The following BPIFB4 variants were observed in gnomAD, a reference collection of about 807,000 sequenced individuals.
BPIFB4 encodes the protein BPI fold-containing family B member 4.
Under a neutral mutation model 69.2 loss-of-function variants are expected in BPIFB4, and 62 were observed. That is an observed-to-expected ratio of 0.90 (90% CI 0.73 to 1.11). The LOEUF (loss-of-function observed/expected upper bound fraction) is 1.11. BPIFB4 is among the 50% of genes least tolerant of loss of function. The pLI, the probability that BPIFB4 is intolerant of heterozygous loss-of-function variation, is 0.00. For missense variants in BPIFB4, 789 were observed against 792.0 expected, an observed-to-expected ratio of 1.00 and a Z score of 0.04; for synonymous variants, 330 against 332.7, an observed-to-expected ratio of 0.99 and a Z score of 0.09.
In BPIFB4 at chr20:33,089,128, A is replaced by G; in HGVS notation, c.990+99A>G. The G allele has an allele frequency of 1.3e-6, 2 of 1,567,312 alleles. 1 individual carries two copies. The highest frequency in any genetic ancestry group is 1.7e-6 in the Non-Finnish European group (2 of 1,147,334). On this transcript the variant is annotated intron_variant, in intron 8 of 17. Coordinates refer to ENST00000375483, the MANE Select transcript of BPIFB4 (RefSeq NM_182519.3). ...ATCCCTGGGGGCCTGCAGGTAACCC[A>G]GAGGGACAGAGAGAGCCAAGGCCTG...
In BPIFB4 at chr20:33,080,528, A is replaced by G. The variant is rs1316463481; in HGVS notation, c.-64A>G. On this transcript the variant is annotated 5_prime_UTR_variant, in exon 2 of 18. It removes an upstream start codon present in the reference 5' UTR. Transcript: ENST00000375483. ...AGCTGCTCTTTATTGAGTGTCTACT[A>G]TGTATGAGATACAACTTGTTTGTGA... The G allele has an allele frequency of 2.6e-5, 4 of 152,242 alleles. No homozygotes were observed. The highest frequency in any genetic ancestry group is 2.1e-4 in the South Asian group (1 of 4,838). 9.4% of individuals were successfully genotyped at this position (152,242 alleles called of 1,614,324 possible). A position where few individuals can be genotyped will look rare whatever the true frequency, so the allele number is the denominator to read the frequency against.
In BPIFB4 at chr20:33,097,691, G is replaced by A. The variant is rs759001656; in HGVS notation, c.1473G>A (p.Leu491=). 6 of 1,614,048 alleles carry A rather than the reference G, an allele frequency of 3.7e-6. No homozygotes were observed. The South Asian group carries it at 6.6e-5, about 18-fold the overall frequency. The change falls in exon 13 of 18, where the codon CTG becomes CTA. Residue 491 remains leucine (L), a synonymous_variant. Coordinates refer to ENST00000375483, the MANE Select transcript of BPIFB4 (RefSeq NM_182519.3). ...TGCTGAACCCACCATCTGTGATGCT[G>A]CAGAAGGACAAAGCGCTGGTGAAGG... The part of the protein sequence containing the change: ...IQVLNPPSVM[L]QKDKALVKVL...
chr20:33,108,423 C>CTCTATATATATATATATATATA (rs1555787223), intron 17 of BPIFB4, among the ~76,000 whole-genome samples: 2 of 125,704 alleles, frequency 1.6e-5, no homozygotes, highest in African/African-American at 6.4e-5. Context: ...ATATATATGT[C>CTCTATATATATATATATATATA]TATATATATA....
chr20:33,092,876 C>A (rs539684968), intron 11 of BPIFB4, among the ~76,000 whole-genome samples: 2 of 152,202 alleles, frequency 1.3e-5, no homozygotes, highest in African/African-American at 4.8e-5. Context: ...CCAAATCTCA[C>A]GATGAGAAAG....
chr20:33,089,518 G>T lies in BPIFB4; in HGVS notation c.1011G>T (p.Val337=). ...LPDLLCPIVD[V]VLGLVNDQLG... ...TGCAGCTCTGCCCCATCGTGGATGT[G>T]GTGCTGGGTCTTGTCAATGACCAGC... The change falls in exon 9 of 18, where the codon GTG becomes GTT. Residue 337 remains valine, a synonymous_variant. Coordinates refer to ENST00000375483, the MANE Select transcript of BPIFB4 (RefSeq NM_182519.3). 6.2e-7 allele frequency: 1 copy of T among 1,614,220 alleles called. No homozygotes were observed. Among genetic ancestry groups the T allele is most frequent in the South Asian group, 1.1e-5 (1 of 91,084 alleles).
intron 15 of BPIFB4, 118 bp downstream of exon 15, chr20:33,103,132 G>A (rs1981952970): frequency 8.6e-7 from 1 of 1,161,104 alleles, no homozygotes; most frequent in Non-Finnish European, 1.3e-6. Flanking sequence ...GAATTCCAAA[G>A]TGCTCCCGTC....
chr20:33,085,095 A>G, intron 6 of BPIFB4, 99 bp downstream of exon 6: 5 of 1,506,808 alleles, frequency 3.3e-6, no homozygotes, highest in East Asian at 2.5e-5. Context: ...CTGCCAGTGC[A>G]TGCCCACAGA....
intron 15 of BPIFB4, 57 bp downstream of exon 15, chr20:33,103,071 G>A: frequency 6.4e-7 from 1 of 1,567,792 alleles, no homozygotes; most frequent in Non-Finnish European, 8.8e-7. Flanking sequence ...CCCAGGACGT[G>A]TCTTCCGGGA....
intron 7 of BPIFB4, among the ~76,000 whole-genome samples, chr20:33,087,939 G>A (rs533795236): frequency 1.4e-4 from 22 of 152,252 alleles, no homozygotes; most frequent in East Asian, 3.9e-4. Context: ...CTGAATTGGC[G>A]CAGCTCTGAA....
chr20:33,082,707 G>A (rs1981270723), intron 3 of BPIFB4, among the ~76,000 whole-genome samples: 1 of 152,190 alleles, frequency 6.6e-6, no homozygotes, highest in African/African-American at 2.4e-5. Flanking sequence ...ATGAAGGGCT[G>A]GCTGATGTCC....
chr20:33,084,008 GAAGTTTTAAGACCCCC>G, intron 5 of BPIFB4, 134 bp downstream of exon 5: 1 of 1,066,526 alleles, frequency 9.4e-7, no homozygotes, highest in Non-Finnish European at 1.3e-6. Flanking sequence ...CTCAGGATTG[GAAGTTTTAAGACCCCC>G]AAGTTACATG....
At chr20:33,099,481 T>C (rs1296105390) in intron 13 of BPIFB4, among the ~76,000 whole-genome samples, 2 of 152,206 alleles carry the variant, frequency 1.3e-5, no homozygotes, top group Admixed American at 1.3e-4. Flanking sequence ...GTCCCAGGGA[T>C]GCAGCCCTGA....
rs1474564572 is a variant in BPIFB4 at position 33,080,933 on chromosome 20, TGATGAGTGGATG to T, written c.-16+362_-16+373del. On this transcript the variant is annotated intron_variant, in intron 2 of 17. Transcript: ENST00000375483. ...AATAAATAGAGGGAGGAGAATGAGT[TGATGAGTGGATG>T]GATGGTTGGTTGGATGGATGGTTGG... 4.6e-5 allele frequency among the ~76,000 whole-genome samples: 7 copies of T among 151,192 alleles called. No individual in the cohort carries two copies. In the South Asian group the frequency reaches 1.1e-3, roughly 23 times the overall value.
chr20:33,087,998 G>T (rs75344611), intron 7 of BPIFB4, among the ~76,000 whole-genome samples: 6 of 152,268 alleles, frequency 3.9e-5, no homozygotes, highest in African/African-American at 1.2e-4. Flanking sequence ...GTTCGGTGGC[G>T]AGGGACGGAG....
At chr20:33,108,567 G>T (rs547007179) in intron 17 of BPIFB4, among the ~76,000 whole-genome samples, 2 of 151,858 alleles carry the variant, frequency 1.3e-5, no homozygotes, top group South Asian at 4.2e-4. Context: ...AAAGAACGAG[G>T]GCTTGGAGCC....
intron 12 of BPIFB4, among the ~76,000 whole-genome samples, chr20:33,096,858 C>T (rs1249249937): frequency 6.6e-6 from 1 of 152,162 alleles, no homozygotes; most frequent in Admixed American, 6.5e-5. Flanking sequence ...TGTGGTTTTG[C>T]CCATTTCTCT....
chr20:33,111,004 T>G (rs1435100224), intron 17 of BPIFB4, among the ~76,000 whole-genome samples: 1 of 152,030 alleles, frequency 6.6e-6, no homozygotes, highest in Non-Finnish European at 1.5e-5. Context: ...TTAGTAGAGA[T>G]ATGGTTTCAC....
intron 12 of BPIFB4, among the ~76,000 whole-genome samples, chr20:33,096,400 T>C (rs1981754427): frequency 6.6e-6 from 1 of 152,186 alleles, no homozygotes; most frequent in African/African-American, 2.4e-5. Context: ...CTCAGCCTCC[T>C]GAGTAGCTGG....
At chr20:33,109,279 C>T (rs1339703765) in intron 17 of BPIFB4, among the ~76,000 whole-genome samples, 2 of 151,698 alleles carry the variant, frequency 1.3e-5, no homozygotes, top group Admixed American at 6.6e-5. Context: ...ACAGGATTGG[C>T]ACAGGTTTAT....
Sources: allele counts gnomAD v4.1 joint callset (sites outside exome capture counted in the v4.1 genomes callset), GRCh38; gene constraint gnomAD v4.1.1; transcripts MANE v1.5; gene names NCBI Gene and HGNC (gene_info 2026-07-23, HGNC 2026-07-21).